The following SYNPO2 variants were observed in gnomAD, a reference collection of about 807,000 sequenced individuals.
SYNPO2 encodes synaptopodin 2.
In SYNPO2, 56 loss-of-function variants were observed where a neutral mutation model predicts 85.0. The observed-to-expected ratio is 0.66, with a 90% confidence interval of 0.53 to 0.82. The LOEUF (loss-of-function observed/expected upper bound fraction) is 0.82. Among genes scored for constraint, SYNPO2 ranks in the 40% least tolerant of loss-of-function variants. The pLI, the probability that SYNPO2 is intolerant of heterozygous loss-of-function variation, is 0.00. For synonymous variants in SYNPO2, 602 were observed against 591.1 expected (o/e 1.02, Z -0.27); for missense variants, 1,575 against 1,534.2 (o/e 1.03, Z -0.44).
intron 1 of SYNPO2, among the ~76,000 whole-genome samples, chr4:118,949,145 T>G (rs1734600771): frequency 6.6e-6 from 1 of 152,084 alleles, no homozygotes; most frequent in African/African-American, 2.4e-5. Flanking sequence ...AAAGTTGATG[T>G]GGTGGTGGTG....
chr4:118,955,635 T>C lies in SYNPO2; in HGVS notation c.105+66494T>C, dbSNP rs542145621. The stretch of plus-strand genomic sequence containing the variant: ...TGAGCCGAAATATACAAAGCATTAT[T>C]ATAGGAGATAGTGGGAAGGCCAGTG... On this transcript the variant is annotated intron_variant, in intron 1 of 4. Coordinates refer to ENST00000307142, the MANE Select transcript of SYNPO2 (RefSeq NM_133477.3). Among the ~76,000 whole-genome samples, 54 of 152,252 alleles carry C rather than the reference T, an allele frequency of 3.5e-4. No individual in the cohort carries two copies. The South Asian group carries it at 7.9e-3, about 22-fold the overall frequency.
At chr4:118,964,674 A>AT (rs1048833011) in intron 1 of SYNPO2, among the ~76,000 whole-genome samples, 5 of 151,012 alleles carry the variant, frequency 3.3e-5, no homozygotes, top group African/African-American at 4.9e-5. Flanking sequence ...CTTTGATTTG[A>AT]TTTTTTTTCT....
intron 4 of SYNPO2, among the ~76,000 whole-genome samples, chr4:119,050,035 A>G (rs539579459): frequency 6.6e-6 from 1 of 152,202 alleles, no homozygotes; most frequent in Admixed American, 6.5e-5. Context: ...TTTTTTTAAA[A>G]AAAAGATGTT....
At chr4:118,934,232 C>T (rs1170193990) in intron 1 of SYNPO2, among the ~76,000 whole-genome samples, 3 of 152,080 alleles carry the variant, frequency 2.0e-5, no homozygotes, top group South Asian at 2.1e-4. Flanking sequence ...TCCACTGACC[C>T]GTGTAATCGA....
intron 1 of SYNPO2, among the ~76,000 whole-genome samples, chr4:118,945,996 G>A (rs964699179): frequency 2.0e-5 from 3 of 151,994 alleles, no homozygotes; most frequent in South Asian, 2.1e-4. Context: ...TGCCCGCCTC[G>A]GCCTCCCGAA....
In SYNPO2 at chr4:119,057,410, C is replaced by A; in HGVS notation, c.3262C>A (p.Arg1088Ser). 4 of 1,581,000 alleles carry A rather than the reference C, an allele frequency of 2.5e-6. No individual in the cohort carries two copies. Among genetic ancestry groups the A allele is most frequent in the South Asian group, 1.2e-5 (1 of 85,366 alleles). ...KSGVTIQESG[R>S]SLSLPGRSVP... is the part of the protein sequence containing the mutation. ...TTTTCATTGTTTTTAGGAGAGTGGG[C>A]GCTCCCTTTCTCTTCCTGGAAGATC... Residue 1088 changes from arginine (R) to serine (S), a missense_variant, in exon 5 of 5, where the codon CGC (arginine) becomes AGC (serine). Physicochemically the swap from Arg to Ser is moderately radical, Grantham distance 110 (BLOSUM62 -1). Around this residue, in one of 3 missense-constraint regions of SYNPO2, gnomAD observed 1,508 missense variants for 1,446.8 expected, o/e 1.04. Coordinates refer to ENST00000307142, the MANE Select transcript of SYNPO2 (RefSeq NM_133477.3).
At chr4:118,889,245 T>C (rs952077028) in intron 1 of SYNPO2, 104 bp downstream of exon 1, 1 of 1,088,766 alleles carries the variant, frequency 9.2e-7, no homozygotes, top group African/African-American at 1.6e-5. Context: ...TAAGTATTAT[T>C]TGATTTTGCT....
intron 3 of SYNPO2, 25 bp from the exon 4 acceptor site, chr4:119,029,820 A>ATT (rs58164872): frequency 0.22 from 302,515 of 1,377,030 alleles, 4,961 homozygotes; most frequent in East Asian, 0.34. Flanking sequence ...GCTCAATATA[A>ATT]TTTTTTTTTT....
At chr4:118,865,661 C>T (rs1014551203) in intron 1 of SYNPO2, among the ~76,000 whole-genome samples, 1 of 152,082 alleles carries the variant, frequency 6.6e-6, no homozygotes, top group Non-Finnish European at 1.5e-5. Flanking sequence ...CAAGTAGATG[C>T]AGTACTTATT....
chr4:119,024,585 A>G (rs1284445373), intron 2 of SYNPO2, among the ~76,000 whole-genome samples: 1 of 152,224 alleles, frequency 6.6e-6, no homozygotes, highest in Non-Finnish European at 1.5e-5. Flanking sequence ...TTTACCCATC[A>G]AACTCAGTGT....
chr4:119,029,954 G>A lies in SYNPO2; in HGVS notation c.1179G>A (p.Gly393=), dbSNP rs1162980674. The A allele has an allele frequency of 6.2e-7, 1 of 1,614,088 alleles. No individual in the cohort carries two copies. Among genetic ancestry groups the A allele is most frequent in the Non-Finnish European group, 8.5e-7 (1 of 1,180,018 alleles). ...ATGCTCCCAACCCCAACTCCAAGGG[G>A]GTGTTGATGTTTAAGAAGCGACGTC... ...LTDAPNPNSK[G]VLMFKKRRRR... The change falls in exon 4 of 5, where the codon GGG becomes GGA. Residue 393 remains glycine, a synonymous_variant. Transcript: ENST00000307142.
chr4:118,937,353 C>T (rs1206241266), intron 1 of SYNPO2, among the ~76,000 whole-genome samples: 4 of 152,110 alleles, frequency 2.6e-5, no homozygotes, highest in Admixed American at 1.3e-4. Context: ...GAAACACTCC[C>T]GGTCTCTTTG....
At chr4:118,884,118 G>A (rs1298385083), upstream of SYNPO2, among the ~76,000 whole-genome samples, 1 of 152,160 alleles carries the variant, frequency 6.6e-6, no homozygotes, top group East Asian at 1.9e-4. Flanking sequence ...TTATAATAAT[G>A]AGTTAGCAAA....
intron 1 of SYNPO2, 44 bp downstream of exon 1, chr4:118,889,185 G>A: frequency 1.3e-6 from 2 of 1,566,606 alleles, no homozygotes; most frequent in Non-Finnish European, 1.7e-6. Flanking sequence ...TAGGAAGGAA[G>A]GAATGAAAGC....
chr4:119,034,960 A>G, intron 4 of SYNPO2: 1 of 985,352 alleles, frequency 1.0e-6, no homozygotes. Context: ...GTTTTTGTTT[A>G]GTTTTTAGGA....
intron 1 of SYNPO2, among the ~76,000 whole-genome samples, chr4:118,980,707 C>CAT (rs1470740396): frequency 1.3e-5 from 2 of 152,246 alleles, no homozygotes; most frequent in East Asian, 1.9e-4. Flanking sequence ...AAAAGAAGCA[C>CAT]ATATATAGAA....
chr4:119,053,834 G>A (rs11098474), intron 4 of SYNPO2, among the ~76,000 whole-genome samples: 61,220 of 151,924 alleles, frequency 0.4, 12,515 homozygotes, highest in East Asian at 0.55. Context: ...ATACTCCCAA[G>A]TATATTGATA....
At chr4:118,914,915 A>G (rs1733260560) in intron 1 of SYNPO2, among the ~76,000 whole-genome samples, 1 of 151,722 alleles carries the variant, frequency 6.6e-6, no homozygotes, top group Non-Finnish European at 1.5e-5. Context: ...AATTCACTGA[A>G]GTTTGTGCTT....
Position 119,057,743 on chromosome 4 carries a change from TATA to T in SYNPO2, c.3598_3600del (p.Asn1200del). On this transcript the variant is annotated inframe_deletion, in exon 5 of 5. Coordinates refer to ENST00000307142, the MANE Select transcript of SYNPO2 (RefSeq NM_133477.3). ...TATGGGCTCATGTGGAAGGCAAGAGTATAATGTCACAGCCAATAATAATATGTC... is the reference window on the plus strand; with the variant it reads ...TATGGGCTCATGTGGAAGGCAAGAGTATGTCACAGCCAATAATAATATGTC... 4 of 1,613,842 alleles carry T rather than the reference TATA, an allele frequency of 2.5e-6. No individual in the cohort carries two copies. The highest frequency in any genetic ancestry group is 3.4e-6 in the Non-Finnish European group (4 of 1,179,972).
Sources: allele counts gnomAD v4.1 joint callset (sites outside exome capture counted in the v4.1 genomes callset), GRCh38; gene constraint gnomAD v4.1.1; regional missense constraint gnomAD v4.1.1; transcripts MANE v1.5; gene names NCBI Gene and HGNC (gene_info 2026-07-23, HGNC 2026-07-21).